The following ABCB5 variants were observed in gnomAD, a reference collection of about 807,000 sequenced individuals.
The protein encoded by ABCB5 is ATP-binding cassette sub-family B member 5.
In ABCB5, 155 loss-of-function variants were observed where a neutral mutation model predicts 144.2. The ratio of observed to expected loss-of-function variants is 1.08; its 90% CI spans 0.94 to 1.23. The LOEUF is 1.23. Among genes scored for constraint, ABCB5 ranks in the 50% most tolerant of loss-of-function variants. The pLI, the probability that ABCB5 is intolerant of heterozygous loss-of-function variation, is 0.00. For synonymous variants in ABCB5, 610 were observed against 528.6 expected, an observed-to-expected ratio of 1.15 and a Z score of -2.11; for missense variants, 1,830 against 1,520.8, an observed-to-expected ratio of 1.20 and a Z score of -3.38.
At chr7:20,677,772 CCT>C (rs1316776110) in intron 14 of ABCB5, among the ~76,000 whole-genome samples, 1 of 152,028 alleles carries the variant, frequency 6.6e-6, no homozygotes, top group Non-Finnish European at 1.5e-5. Flanking sequence ...ACCCTTTGCC[CCT>C]CTTTCTACCT....
chr7:20,632,875 G>A (rs1021300778), intron 5 of ABCB5, among the ~76,000 whole-genome samples: 6 of 141,836 alleles, frequency 4.2e-5, no homozygotes, highest in African/African-American at 1.0e-4. Flanking sequence ...GTTGGGGGAG[G>A]GGGGAGGGAT....
At chr7:20,670,253 G>T (rs763027023) in intron 14 of ABCB5, among the ~76,000 whole-genome samples, 1 of 151,978 alleles carries the variant, frequency 6.6e-6, no homozygotes, top group Non-Finnish European at 1.5e-5. Flanking sequence ...ATAATGATGT[G>T]TCAATAGTGG....
At chr7:20,671,425 C>T (rs1421785287) in intron 14 of ABCB5, among the ~76,000 whole-genome samples, 1 of 152,126 alleles carries the variant, frequency 6.6e-6, no homozygotes, top group Non-Finnish European at 1.5e-5. Flanking sequence ...AGATAGTCAG[C>T]CATACTTTTC....
At chr7:20,740,492 A>T (rs986671960) in intron 24 of ABCB5, among the ~76,000 whole-genome samples, 1 of 152,184 alleles carries the variant, frequency 6.6e-6, no homozygotes, top group Non-Finnish European at 1.5e-5. Context: ...AAATAAGACT[A>T]TCTGGAAATT....
At chr7:20,662,589 GA>G (rs141084193) in intron 14 of ABCB5, among the ~76,000 whole-genome samples, 8,465 of 152,224 alleles carry the variant, frequency 0.056, 330 homozygotes, top group South Asian at 0.14. Flanking sequence ...TAATAGTTGG[GA>G]ACAGAAAGGG....
intron 5 of ABCB5, 119 bp from the exon 6 acceptor site, chr7:20,643,065 A>T: frequency 2.5e-6 from 2 of 813,302 alleles, no homozygotes; most frequent in Non-Finnish European, 3.8e-6. Context: ...TGTTATTTTT[A>T]GTTCTTTTTC....
intron 9 of ABCB5, 172 bp from the exon 10 acceptor site, chr7:20,647,363 C>T (rs1341388929): frequency 1.5e-6 from 2 of 1,336,994 alleles, no homozygotes; most frequent in African/African-American, 3.1e-5. Flanking sequence ...GGCCTTTTGG[C>T]TAAGATCAAG....
intron 14 of ABCB5, chr7:20,659,472 G>A: frequency 1.9e-6 from 2 of 1,068,864 alleles, no homozygotes; most frequent in Non-Finnish European, 2.3e-6. Context: ...GATACTGGCA[G>A]GCTAAATGTC....
intron 24 of ABCB5, among the ~76,000 whole-genome samples, 154 bp from the exon 25 acceptor site, chr7:20,742,723 T>C (rs930311548): frequency 6.6e-6 from 1 of 152,200 alleles, no homozygotes; most frequent in Non-Finnish European, 1.5e-5. Context: ...GAAACCCACT[T>C]GCAGTCAACA....
chr7:20,711,786 T>C (rs146351289), intron 20 of ABCB5, among the ~76,000 whole-genome samples: 6,801 of 33,848 alleles, frequency 0.2, 1,573 homozygotes, highest in African/African-American at 0.43. Context: ...TTCTCTTTCT[T>C]TCTTTCTTTC....
chr7:20,691,582 T>TTTTATTCATTTA (rs1786231743), intron 16 of ABCB5, among the ~76,000 whole-genome samples: 1 of 146,808 alleles, frequency 6.8e-6, no homozygotes, highest in Non-Finnish European at 1.5e-5. Flanking sequence ...TTAAATTCAT[T>TTTTATTCATTTA]TTTATTTATT....
In ABCB5 at chr7:20,699,836, T is replaced by G. The variant is rs869152765; in HGVS notation, c.2166T>G (p.Asn722Lys). ...CTGTTCCTTTTCAGATGTTTGGAAA[T>G]AATGATAAAACCACATTAAAGCATG... ...IFAKIITMFG[N>K]NDKTTLKHDA... The change falls in exon 18 of 28, where the codon AAT becomes AAG. Residue 722 changes from asparagine (N) to lysine (K), a missense_variant. By Grantham distance (94) the Asn-to-Lys change is moderately conservative. Coordinates refer to ENST00000404938, the MANE Select transcript of ABCB5 (RefSeq NM_001163941.2). 6.3e-7 allele frequency: 1 copy of G among 1,599,954 alleles called. No homozygotes were observed. Among genetic ancestry groups the G allele is most frequent in the East Asian group, 2.2e-5 (1 of 44,718 alleles).
At chr7:20,698,195 A>C (rs1583433232) in intron 16 of ABCB5, among the ~76,000 whole-genome samples, 1 of 152,218 alleles carries the variant, frequency 6.6e-6, no homozygotes, top group African/African-American at 2.4e-5. Flanking sequence ...GATATTGCAC[A>C]AATAGTCACT....
chr7:20,653,559 C>A (rs1449690292), intron 13 of ABCB5, among the ~76,000 whole-genome samples: 1 of 152,138 alleles, frequency 6.6e-6, no homozygotes, highest in Admixed American at 6.5e-5. Context: ...CATTTCCATG[C>A]ATTGGATGAG....
intron 1 of ABCB5, 48 bp from the exon 2 acceptor site, chr7:20,623,217 T>A: frequency 3.7e-6 from 4 of 1,085,298 alleles, no homozygotes; most frequent in Non-Finnish European, 5.5e-6. Flanking sequence ...ATCAACTAAG[T>A]GATAAAAGTC....
chr7:20,743,253 G>A (rs1160599928), intron 25 of ABCB5, among the ~76,000 whole-genome samples, 179 bp downstream of exon 25: 1 of 152,122 alleles, frequency 6.6e-6, no homozygotes, highest in East Asian at 1.9e-4. Flanking sequence ...CAAAAATGAT[G>A]GTTAGGACTC....
At chr7:20,732,480 A>G (rs927208067) in intron 23 of ABCB5, among the ~76,000 whole-genome samples, 1 of 152,202 alleles carries the variant, frequency 6.6e-6, no homozygotes, top group Non-Finnish European at 1.5e-5. Flanking sequence ...AAAGCCAAAA[A>G]CAAGTGGGTG....
chr7:20,628,386 A>G (rs1262929759), intron 3 of ABCB5, among the ~76,000 whole-genome samples: 1 of 151,894 alleles, frequency 6.6e-6, no homozygotes, highest in African/African-American at 2.4e-5. Flanking sequence ...TATGTGCCAT[A>G]TTTTCTTAAT....
At chr7:20,733,156 T>C (rs1025980990) in intron 23 of ABCB5, among the ~76,000 whole-genome samples, 2 of 152,090 alleles carry the variant, frequency 1.3e-5, no homozygotes, top group African/African-American at 4.8e-5. Context: ...GGTTCCAGAT[T>C]CCAGAGGTTT....
Sources: allele counts gnomAD v4.1 joint callset (sites outside exome capture counted in the v4.1 genomes callset), GRCh38; gene constraint gnomAD v4.1.1; transcripts MANE v1.5; gene names NCBI Gene and HGNC (gene_info 2026-07-23, HGNC 2026-07-21).